Variants in KDR observed in about 807,000 individuals in gnomAD.
KDR encodes the protein vascular endothelial growth factor receptor 2.
Under a neutral mutation model 160.9 loss-of-function variants are expected in KDR, and 43 were observed. The ratio of observed to expected loss-of-function variants is 0.27; its 90% CI spans 0.21 to 0.34. The LOEUF (loss-of-function observed/expected upper bound fraction) is 0.34, where lower values mean the gene tolerates loss of function less well. KDR is among the 10% of genes least tolerant of loss of function. The probability of loss-of-function intolerance (pLI) is 1.00; values close to 1 mark genes in which losing one functional copy is unlikely to be tolerated. For missense variants in KDR, 1,469 were observed against 1,666.4 expected, an observed-to-expected ratio of 0.88 and a Z score of 2.06; for synonymous variants, 617 against 600.1, an observed-to-expected ratio of 1.03 and a Z score of -0.41.
rs1578123324 is a variant in KDR at position 55,078,626 on chromosome 4, C to A, written c.*1315G>T. On this transcript the variant is annotated 3_prime_UTR_variant, in exon 30 of 30. Coordinates refer to ENST00000263923, the MANE Select transcript of KDR (RefSeq NM_002253.4). ...CTTTAATATATTACATTTGTTTCTA[C>A]ATAAACAGACTATAAATATATGTGC... 4.3e-6 allele frequency: 1 copy of A among 232,478 alleles called. No individual in the cohort carries two copies. The highest frequency in any genetic ancestry group is 6.1e-5 in the East Asian group (1 of 16,410). 14.4% of individuals were successfully genotyped at this position (232,478 alleles called of 1,614,324 possible). A position where few individuals can be genotyped will look rare whatever the true frequency, so the allele number is the denominator to read the frequency against.
At position 55,085,773 on chromosome 4, in the gene KDR, G is replaced by A. The variant is rs559588643; in HGVS notation, c.3662+1834C>T. ...ATTCAAAAATCACAGACAGAAAATA[G>A]GAGCCAGGCCTGTGCTGGGAGTGTG... On this transcript the variant is annotated intron_variant, in intron 27 of 29. Coordinates refer to ENST00000263923, the MANE Select transcript of KDR (RefSeq NM_002253.4). Among the ~76,000 whole-genome samples, 377 of 152,316 alleles carry A rather than the reference G, an allele frequency of 2.5e-3. 3 individuals carry two copies. The highest frequency in any genetic ancestry group is 8.3e-3 in the African/African-American group (345 of 41,562).
Position 55,125,251 on chromosome 4 carries a change from C to T in KDR, c.43G>A (p.Val15Met), listed in dbSNP as rs1023303395. ...CCCACAGAGGCGGCCCGGGTCTCCA[C>T]GCAGAGCCACAGGGCGACGGCCAGC... is the stretch of plus-strand genomic sequence containing the variant. ...VLLAVALWLC[V>M]ETRAASVGLP... Residue 15 changes from valine (V) to methionine (M), a missense_variant, in exon 1 of 30, where the codon GTG (valine) becomes ATG (methionine). By Grantham distance (21) the Val-to-Met change is conservative. Coordinates refer to ENST00000263923, the MANE Select transcript of KDR (RefSeq NM_002253.4). The T allele has an allele frequency of 6.2e-7, 1 of 1,612,880 alleles. No individual in the cohort carries two copies. The highest frequency in any genetic ancestry group is 1.3e-5 in the African/African-American group (1 of 74,936).
At chr4:55,106,647 AAGAG>A (rs771411932) in intron 11 of KDR, 36 bp downstream of exon 11, 13 of 1,391,260 alleles carry the variant, frequency 9.3e-6, no homozygotes, top group African/African-American at 7.1e-5. Flanking sequence ...CCTTCCATTA[AAGAG>A]AGAGAGATTT....
intron 29 of KDR, 62 bp from the exon 30 acceptor site, chr4:55,080,225 C>A: frequency 6.8e-7 from 1 of 1,480,164 alleles, no homozygotes; most frequent in South Asian, 1.1e-5. Flanking sequence ...TGCTTTTTAC[C>A]CTCACCCCAT....
intron 27 of KDR, among the ~76,000 whole-genome samples, chr4:55,084,718 A>G (rs535378171): frequency 6.6e-6 from 1 of 152,214 alleles, no homozygotes; most frequent in African/African-American, 2.4e-5. Context: ...ACTCTACTCC[A>G]TACAGACTCC....
In KDR at chr4:55,092,699, T is replaced by C. The variant is rs892780242; in HGVS notation, c.2987A>G (p.Tyr996Cys). Residue 996 changes from tyrosine (Y) to cysteine (C), a missense_variant, in exon 22 of 30, where the codon TAT (tyrosine) becomes TGT (cysteine). Physicochemically the swap from Tyr to Cys is radical, Grantham distance 194. Transcript: ENST00000263923. ...ATGCTCCAAGGTCAGGAAGTCCTTATACAGATCTTCAGGAGCTGTCCAAAG... is the reference window on the plus strand; with the variant it reads ...ATGCTCCAAGGTCAGGAAGTCCTTACACAGATCTTCAGGAGCTGTCCAAAG... ...VEEEEAPEDL[Y>C]KDFLTLEHLI... The C allele has an allele frequency of 4.3e-6, 7 of 1,613,192 alleles. No homozygotes were observed. The highest frequency in any genetic ancestry group is 1.3e-5 in the African/African-American group (1 of 74,894).
chr4:55,102,155 T>C (rs1365357191), intron 14 of KDR, 127 bp from the exon 15 acceptor site: 3 of 1,365,652 alleles, frequency 2.2e-6, no homozygotes, highest in Non-Finnish European at 3.1e-6. Flanking sequence ...TAGAGTCACA[T>C]GGGATCTACT....
chr4:55,107,899 G>A lies in KDR; in HGVS notation c.1256-6C>T, dbSNP rs1720483934. On this transcript the variant is annotated splice_polypyrimidine_tract_variant and splice_region_variant and intron_variant, in intron 9 of 29. Transcript: ENST00000263923. ...CTCACCAATCTGGGGTGGGACTGAA[G>A]ATGGGAAAAACAACTTTTGAATTGT... 6.2e-7 allele frequency: 1 copy of A among 1,613,728 alleles called. No individual in the cohort carries two copies. Among genetic ancestry groups the A allele is most frequent in the African/African-American group, 1.3e-5 (1 of 74,876 alleles).
intron 15 of KDR, among the ~76,000 whole-genome samples, chr4:55,101,491 T>C (rs1220139935): frequency 1.3e-5 from 2 of 152,228 alleles, no homozygotes; most frequent in Non-Finnish European, 2.9e-5. Flanking sequence ...GACTTCCCAC[T>C]GACCTTCTTT....
At chr4:55,120,083 AAGTAAAGCTAG>A (rs1720831315) in intron 2 of KDR, among the ~76,000 whole-genome samples, 1 of 152,218 alleles carries the variant, frequency 6.6e-6, no homozygotes, top group Admixed American at 6.5e-5. Flanking sequence ...TGTCTTAAAC[AAGTAAAGCTAG>A]AGAAACAGCA....
At chr4:55,110,630 T>A (rs185338922) in intron 8 of KDR, 24 bp downstream of exon 8, 2 of 1,610,962 alleles carry the variant, frequency 1.2e-6, no homozygotes, top group Non-Finnish European at 1.7e-6. Flanking sequence ...GAAATGATGC[T>A]TTGCATTTAT....
chr4:55,110,985 G>A (rs770716699), intron 7 of KDR, among the ~76,000 whole-genome samples: 7 of 151,824 alleles, frequency 4.6e-5, no homozygotes, highest in South Asian at 2.1e-4. Flanking sequence ...TTCTCTCCCC[G>A]CTAGTGCACT....
At chr4:55,122,551 C>T (rs1560525976) in intron 1 of KDR, among the ~76,000 whole-genome samples, 1 of 152,134 alleles carries the variant, frequency 6.6e-6, no homozygotes, top group African/African-American at 2.4e-5. Flanking sequence ...ATCTGAGGAT[C>T]CCAATATGAA....
In KDR at chr4:55,089,425, C is replaced by T. The variant is rs560674167; in HGVS notation, c.3353G>A (p.Arg1118Gln). 218 of 1,613,126 alleles carry T rather than the reference C, an allele frequency of 1.4e-4. 6 individuals carry two copies. The South Asian group carries it at 2.2e-3, about 16-fold the overall frequency. ...CCTCATTCTAGTTCCTTCTTTCAAT[C>T]GCCTACAAAATTCTTCATCAATCTT... ...GVKIDEEFCRRLKEGTRMRAP... is the reference protein window; with the variant it reads ...GVKIDEEFCRQLKEGTRMRAP... Residue 1118 changes from arginine to glutamine, a missense_variant, in exon 25 of 30, where the codon CGA (arginine) becomes CAA (glutamine). By Grantham distance (43) the Arg-to-Gln change is conservative (BLOSUM62 1). This residue lies in a region of KDR where 132 missense variants were observed against 195.9 expected (regional missense o/e 0.67). Coordinates refer to ENST00000263923, the MANE Select transcript of KDR (RefSeq NM_002253.4).
chr4:55,108,382 A>T (rs1043177765), intron 9 of KDR, among the ~76,000 whole-genome samples: 1 of 152,168 alleles, frequency 6.6e-6, no homozygotes, highest in African/African-American at 2.4e-5. Flanking sequence ...GGCTACAGAA[A>T]ACAGCTGAAA....
At chr4:55,100,990 C>T (rs1241920124) in intron 15 of KDR, among the ~76,000 whole-genome samples, 3 of 152,042 alleles carry the variant, frequency 2.0e-5, no homozygotes. Context: ...ACAGATTTCA[C>T]ATCACTTCTG....
intron 2 of KDR, among the ~76,000 whole-genome samples, chr4:55,120,864 G>GTGTT (rs1434843205): frequency 6.6e-6 from 1 of 151,730 alleles, no homozygotes; most frequent in Non-Finnish European, 1.5e-5. Context: ...GTGTGTGTGT[G>GTGTT]TGTGTGTATG....
chr4:55,105,023 ACTTGGTACAG>A, intron 12 of KDR, 39 bp from the exon 13 acceptor site: 1 of 1,521,806 alleles, frequency 6.6e-7, no homozygotes, highest in Non-Finnish European at 9.1e-7. Context: ...TGGTGATTTA[ACTTGGTACAG>A]CTCACTATCA....
rs149718045 is a variant in KDR at position 55,085,663 on chromosome 4, G to A, written c.3662+1944C>T. 2.0e-3 allele frequency among the ~76,000 whole-genome samples: 300 copies of A among 152,332 alleles called. 1 individual carries two copies. Among genetic ancestry groups the A allele is most frequent in the African/African-American group, 6.9e-3 (285 of 41,578 alleles). On this transcript the variant is annotated intron_variant, in intron 27 of 29. Transcript: ENST00000263923. ...AAGGAAAAAAGGTGGAGGAGGTGGA[G>A]AGGAGATGCAGACAAAAGATTCCAA...
Sources: gnomAD v4.1 joint callset for allele counts (sites outside exome capture counted in the v4.1 genomes callset) on GRCh38, gnomAD v4.1.1 for gene constraint, gnomAD v4.1.1 regional missense constraint, MANE v1.5 for transcripts, NCBI Gene and HGNC (gene_info 2026-07-23, HGNC 2026-07-21) for gene names.